The following NALF1 variants were observed in gnomAD, a reference collection of about 807,000 sequenced individuals.
NALF1 encodes the protein NALCN channel auxiliary factor 1, also known as family with sequence similarity 155 member A.
In NALF1, 3 loss-of-function variants were observed where a neutral mutation model predicts 48.4. That is an observed-to-expected ratio of 0.06 (90% CI 0.03 to 0.16). NALF1 has a LOEUF of 0.16. NALF1 is among the 10% of genes least tolerant of loss of function. NALF1 has a pLI of 1.00. For synonymous variants in NALF1, 262 were observed against 245.7 expected, an observed-to-expected ratio of 1.07 and a Z score of -0.62; for missense variants, 526 against 571.5, an observed-to-expected ratio of 0.92 and a Z score of 0.81.
intron 1 of NALF1, among the ~76,000 whole-genome samples, chr13:107,335,034 T>C (rs1022876): frequency 0.46 from 69,180 of 151,906 alleles, 17,495 homozygotes; most frequent in Middle Eastern, 0.63. Flanking sequence ...CCTAAAGACC[T>C]CTGAAGTCTT....
At chr13:107,586,722 T>A (rs1484530987) in intron 1 of NALF1, among the ~76,000 whole-genome samples, 1 of 141,978 alleles carries the variant, frequency 7.0e-6, no homozygotes, top group African/African-American at 2.7e-5. Flanking sequence ...TCTAAGGGAC[T>A]ACCAGATCTC....
chr13:107,412,351 A>T (rs550407376), intron 1 of NALF1, among the ~76,000 whole-genome samples: 23 of 152,264 alleles, frequency 1.5e-4, no homozygotes, highest in East Asian at 3.9e-4. Flanking sequence ...TAATTTTTTT[A>T]AAAAATTGCC....
At chr13:107,175,871 A>G (rs1878916546) in intron 2 of NALF1, among the ~76,000 whole-genome samples, 1 of 152,112 alleles carries the variant, frequency 6.6e-6, no homozygotes, top group Non-Finnish European at 1.5e-5. Flanking sequence ...GCAGCCTCCT[A>G]ACGATGTACA....
intron 1 of NALF1, among the ~76,000 whole-genome samples, chr13:107,475,782 T>C (rs771441933): frequency 4.6e-5 from 7 of 152,178 alleles, no homozygotes; most frequent in Non-Finnish European, 8.8e-5. Flanking sequence ...CAATAAAGAT[T>C]ATTTCCTCAT....
intron 1 of NALF1, among the ~76,000 whole-genome samples, chr13:107,721,562 G>A (rs1028924206): frequency 2.6e-5 from 4 of 152,108 alleles, no homozygotes; most frequent in South Asian, 2.1e-4. Context: ...CTCTCTCTCC[G>A]TGTGGCCTCA....
At chr13:107,714,182 T>C (rs1875681454) in intron 1 of NALF1, among the ~76,000 whole-genome samples, 1 of 152,210 alleles carries the variant, frequency 6.6e-6, no homozygotes, top group South Asian at 2.1e-4. Flanking sequence ...TATGTTGATA[T>C]AAAGAATCTT....
At chr13:107,322,923 C>A (rs1055628184) in intron 1 of NALF1, among the ~76,000 whole-genome samples, 1 of 152,142 alleles carries the variant, frequency 6.6e-6, no homozygotes, top group Admixed American at 6.6e-5. Flanking sequence ...CCTTGGAAGT[C>A]TGCACACCTT....
intron 1 of NALF1, among the ~76,000 whole-genome samples, chr13:107,377,011 T>C (rs1883351112): frequency 6.6e-6 from 1 of 152,172 alleles, no homozygotes. Context: ...GATTTCTCTG[T>C]CCCTTCCCTC....
intron 1 of NALF1, among the ~76,000 whole-genome samples, chr13:107,489,560 C>A (rs1361445316): frequency 6.6e-6 from 1 of 152,102 alleles, no homozygotes; most frequent in Admixed American, 6.5e-5. Context: ...GGATAACTGG[C>A]TAGTCACATG....
Position 107,784,488 on chromosome 13 carries a change from GTCTGT to G in NALF1, c.915+81189_915+81193del, listed in dbSNP as rs760889118. ...AGTGTCACAGATGAAACATTTTAAG[GTCTGT>G]TCTGATCAATATTTAAAGTCAAATT... On this transcript the variant is annotated intron_variant, in intron 1 of 2. Coordinates refer to ENST00000375915, the MANE Select transcript of NALF1 (RefSeq NM_001080396.3). 4.6e-5 allele frequency among the ~76,000 whole-genome samples: 7 copies of G among 152,116 alleles called. No individual in the cohort carries two copies. In the East Asian group the frequency reaches 1.4e-3, roughly 29 times the overall value.
intron 1 of NALF1, among the ~76,000 whole-genome samples, chr13:107,271,814 A>ATTTATTTATTTATTTATT (rs1555329805): frequency 1.9e-5 from 2 of 102,596 alleles, no homozygotes; most frequent in African/African-American, 9.8e-5. Context: ...ATATATATAT[A>ATTTATTTATTTATTTATT]TATTTATATA....
chr13:107,290,451 C>A (rs1345643909), intron 1 of NALF1, among the ~76,000 whole-genome samples: 2 of 152,060 alleles, frequency 1.3e-5, no homozygotes, highest in Non-Finnish European at 2.9e-5. Context: ...GGGGCCGTTT[C>A]CCCCATACTG....
chr13:107,330,521 C>G (rs1406257680), intron 1 of NALF1, among the ~76,000 whole-genome samples: 2 of 152,068 alleles, frequency 1.3e-5, no homozygotes, highest in Non-Finnish European at 2.9e-5. Context: ...ATTTACAACC[C>G]AATATTAGTA....
chr13:107,537,477 A>C (rs1032033218), intron 1 of NALF1, among the ~76,000 whole-genome samples: 1 of 152,156 alleles, frequency 6.6e-6, no homozygotes, highest in Admixed American at 6.6e-5. Flanking sequence ...TATAGTAACA[A>C]AGTAATTTGT....
chr13:107,825,783 T>G (rs1369271446), intron 1 of NALF1, among the ~76,000 whole-genome samples: 1 of 151,746 alleles, frequency 6.6e-6, no homozygotes, highest in African/African-American at 2.4e-5. Context: ...TATTTCTTGT[T>G]TGTTTGTTTG....
chr13:107,634,929 C>T (rs1186544741), intron 1 of NALF1, among the ~76,000 whole-genome samples: 1 of 151,988 alleles, frequency 6.6e-6, no homozygotes, highest in Non-Finnish European at 1.5e-5. Context: ...AGGAATAAGT[C>T]CCACAAGTAG....
chr13:107,646,183 C>G (rs185137831), intron 1 of NALF1, among the ~76,000 whole-genome samples: 2 of 151,868 alleles, frequency 1.3e-5, no homozygotes, highest in Non-Finnish European at 2.9e-5. Flanking sequence ...GGTCAACAAG[C>G]TATTCCTTTA....
intron 1 of NALF1, among the ~76,000 whole-genome samples, chr13:107,626,660 T>C (rs1005435980): frequency 1.3e-5 from 2 of 152,114 alleles, no homozygotes; most frequent in African/African-American, 4.8e-5. Flanking sequence ...GATATCATTA[T>C]GTTAAATGAA....
At chr13:107,746,861 G>GGTCT (rs1157185492) in intron 1 of NALF1, among the ~76,000 whole-genome samples, 11 of 152,026 alleles carry the variant, frequency 7.2e-5, no homozygotes, top group African/African-American at 2.7e-4. Flanking sequence ...AATGAAACTG[G>GGTCT]GTCTGTATCT....
Sources: gnomAD v4.1 joint callset for allele counts (sites outside exome capture counted in the v4.1 genomes callset) on GRCh38, gnomAD v4.1.1 for gene constraint, MANE v1.5 for transcripts, NCBI Gene and HGNC (gene_info 2026-07-23, HGNC 2026-07-21) for gene names.